Variants in SLC24A4 observed in about 807,000 individuals in gnomAD.
SLC24A4 encodes the protein solute carrier family 24 member 4.
Under a neutral mutation model 79.0 loss-of-function variants are expected in SLC24A4, and 53 were observed. The ratio of observed to expected loss-of-function variants is 0.67; its 90% confidence interval spans 0.54 to 0.84. SLC24A4 has a LOEUF of 0.84. Among genes scored for constraint, SLC24A4 ranks in the 40% least tolerant of loss-of-function variants. SLC24A4 has a pLI of 0.00. For synonymous variants in SLC24A4, 323 were observed against 323.8 expected, an observed-to-expected ratio of 1.00 and a Z score of 0.03; for missense variants, 731 against 822.0, an observed-to-expected ratio of 0.89 and a Z score of 1.35.
At chr14:92,421,879 G>C (rs1309086788) in intron 2 of SLC24A4, among the ~76,000 whole-genome samples, 1 of 151,668 alleles carries the variant, frequency 6.6e-6, no homozygotes, top group East Asian at 1.9e-4. Flanking sequence ...ACATTTTTAC[G>C]ATAAAGCATT....
intron 2 of SLC24A4, among the ~76,000 whole-genome samples, chr14:92,380,476 C>T (rs1389725850): frequency 6.6e-6 from 1 of 152,192 alleles, no homozygotes; most frequent in African/African-American, 2.4e-5. Flanking sequence ...GATGGCTGCT[C>T]ATCTAGTGAG....
At chr14:92,464,834 A>C (rs963461696) in intron 12 of SLC24A4, among the ~76,000 whole-genome samples, 14 of 152,214 alleles carry the variant, frequency 9.2e-5, no homozygotes, top group African/African-American at 3.4e-4. Context: ...AGCCATCTTA[A>C]CAGTGTCTTC....
intron 13 of SLC24A4, among the ~76,000 whole-genome samples, chr14:92,486,447 C>A (rs530840782): frequency 3.9e-4 from 59 of 152,338 alleles, no homozygotes; most frequent in Non-Finnish European, 7.3e-4. Flanking sequence ...GGTATGTGCA[C>A]ACTCAAGACC....
At chr14:92,459,296 T>C (rs544503401) in intron 12 of SLC24A4, among the ~76,000 whole-genome samples, 3 of 152,296 alleles carry the variant, frequency 2.0e-5, no homozygotes, top group East Asian at 1.9e-4. Flanking sequence ...TGCTGTTCCA[T>C]AGAGAAGTGG....
intron 2 of SLC24A4, among the ~76,000 whole-genome samples, chr14:92,340,335 C>G (rs1453210847): frequency 6.6e-6 from 1 of 152,260 alleles, no homozygotes; most frequent in East Asian, 1.9e-4. Flanking sequence ...GGGTGACACA[C>G]TCACATGCCC....
chr14:92,371,415 A>G (rs1391206396), intron 2 of SLC24A4, among the ~76,000 whole-genome samples: 3 of 152,190 alleles, frequency 2.0e-5, no homozygotes, highest in Non-Finnish European at 2.9e-5. Context: ...CAACACATAC[A>G]TGGCAGGAGA....
chr14:92,421,075 G>C (rs545318839), intron 2 of SLC24A4, among the ~76,000 whole-genome samples: 2 of 152,244 alleles, frequency 1.3e-5, no homozygotes, highest in African/African-American at 4.8e-5. Flanking sequence ...TTTCCTCCAG[G>C]GGAGGCACGG....
chr14:92,476,015 G>C (rs1269039518), intron 12 of SLC24A4, among the ~76,000 whole-genome samples: 1 of 152,120 alleles, frequency 6.6e-6, no homozygotes, highest in Non-Finnish European at 1.5e-5. Context: ...AGATGGGGGT[G>C]GATGTTGAAA....
intron 2 of SLC24A4, among the ~76,000 whole-genome samples, chr14:92,393,281 C>T (rs1279285616): frequency 3.3e-5 from 5 of 152,226 alleles, no homozygotes; most frequent in South Asian, 2.1e-4. Flanking sequence ...AATCACAAAA[C>T]GGTCAGGTTG....
At chr14:92,390,956 T>C (rs753127) in intron 2 of SLC24A4, among the ~76,000 whole-genome samples, 70,889 of 152,024 alleles carry the variant, frequency 0.47, 18,298 homozygotes, top group African/African-American at 0.7. Context: ...ATCCAGGCTC[T>C]TTCCATCTTG....
At chr14:92,422,492 G>A (rs1193436538) in intron 2 of SLC24A4, among the ~76,000 whole-genome samples, 1 of 152,210 alleles carries the variant, frequency 6.6e-6, no homozygotes, top group Non-Finnish European at 1.5e-5. Context: ...TGCACCTTGG[G>A]CAAATTACTT....
intron 2 of SLC24A4, among the ~76,000 whole-genome samples, chr14:92,423,784 G>A (rs1891418014): frequency 6.6e-6 from 1 of 152,214 alleles, no homozygotes; most frequent in Admixed American, 6.5e-5. Flanking sequence ...CCTGGGTGGA[G>A]GCTGTTGGCA....
intron 2 of SLC24A4, among the ~76,000 whole-genome samples, chr14:92,347,047 ACTTTAT>A (rs1886577458): frequency 6.6e-6 from 1 of 152,108 alleles, no homozygotes; most frequent in African/African-American, 2.4e-5. Context: ...ACCAAACATA[ACTTTAT>A]CTTTAACCTT....
intron 2 of SLC24A4, among the ~76,000 whole-genome samples, chr14:92,420,819 C>T (rs1206106680): frequency 6.6e-6 from 1 of 151,556 alleles, no homozygotes; most frequent in African/African-American, 2.4e-5. Context: ...CATTTTTTCA[C>T]GGGGGGGGCC....
In SLC24A4 at chr14:92,492,249, T is replaced by C. The variant is rs374731031; in HGVS notation, c.1716+9T>C. 1.4e-5 allele frequency: 23 copies of C among 1,613,662 alleles called. No individual in the cohort carries two copies. Among genetic ancestry groups the C allele is most frequent in the Non-Finnish European group, 1.9e-5 (22 of 1,179,724 alleles). ...GCTCTGTCGCTCTCACCGTGAGTCTTTACAATTCCAAAACAGATGCCTCAT... is the reference window on the plus strand; with the variant it reads ...GCTCTGTCGCTCTCACCGTGAGTCTCTACAATTCCAAAACAGATGCCTCAT... On this transcript the variant is annotated intron_variant, in intron 16 of 16. Coordinates refer to ENST00000532405, the MANE Select transcript of SLC24A4 (RefSeq NM_153646.4).
chr14:92,403,386 T>C (rs1401537843), intron 2 of SLC24A4, among the ~76,000 whole-genome samples: 1 of 151,884 alleles, frequency 6.6e-6, no homozygotes, highest in Non-Finnish European at 1.5e-5. Context: ...GGTGGGTGGA[T>C]CACGAGGTCA....
At chr14:92,395,320 T>A (rs567885428) in intron 2 of SLC24A4, among the ~76,000 whole-genome samples, 1 of 152,080 alleles carries the variant, frequency 6.6e-6, no homozygotes, top group African/African-American at 2.4e-5. Context: ...AGCACTGCAG[T>A]GTTACAGAAA....
intron 2 of SLC24A4, 28 bp from the exon 3 acceptor site, chr14:92,433,884 C>T: frequency 1.2e-6 from 2 of 1,600,350 alleles, no homozygotes; most frequent in Non-Finnish European, 8.6e-7. Flanking sequence ...AGATAACTAA[C>T]ACTCTGCCAT....
chr14:92,369,023 G>A (rs1199704319), intron 2 of SLC24A4, among the ~76,000 whole-genome samples: 1 of 152,060 alleles, frequency 6.6e-6, no homozygotes, highest in East Asian at 1.9e-4. Context: ...TCATCCTGAG[G>A]GAGGACTCTA....
Sources: gnomAD v4.1 joint callset for allele counts (sites outside exome capture counted in the v4.1 genomes callset) on GRCh38, gnomAD v4.1.1 for gene constraint, MANE v1.5 for transcripts, NCBI Gene and HGNC (gene_info 2026-07-23, HGNC 2026-07-21) for gene names.